Variants in PTPN2 observed in about 807,000 individuals in gnomAD.
The protein encoded by PTPN2 is protein tyrosine phosphatase non-receptor type 2.
In PTPN2, 19 loss-of-function variants were observed where a neutral mutation model predicts 57.3. That is an observed-to-expected ratio of 0.33 (90% CI 0.23 to 0.49). The LOEUF (loss-of-function observed/expected upper bound fraction) is 0.49. Ranked by LOEUF, PTPN2 falls within the 20% of genes least tolerant of loss-of-function variation. PTPN2 has a pLI of 0.99. For synonymous variants in PTPN2, 153 were observed against 164.9 expected (o/e 0.93, Z 0.55); for missense variants, 358 against 501.1 (o/e 0.71, Z 2.73).
chr18:12,868,672 G>A (rs138718370), intron 1 of PTPN2, among the ~76,000 whole-genome samples: 20 of 149,610 alleles, frequency 1.3e-4, no homozygotes, highest in Non-Finnish European at 2.2e-4. Context: ...GGTGGCTCAC[G>A]TTTGTAATTC....
chr18:12,859,332 A>G, intron 1 of PTPN2, 78 bp from the exon 2 acceptor site: 1 of 986,066 alleles, frequency 1.0e-6, no homozygotes, highest in Non-Finnish European at 1.5e-6. Context: ...CCAGCGTAAA[A>G]TAACATGAAG....
At chr18:12,808,926 G>T (rs1346851354) in intron 7 of PTPN2, among the ~76,000 whole-genome samples, 1 of 152,214 alleles carries the variant, frequency 6.6e-6, no homozygotes, top group African/African-American at 2.4e-5. Flanking sequence ...TGTAACACTG[G>T]AGTAGTCACC....
chr18:12,822,260 C>G (rs147791865), intron 5 of PTPN2, among the ~76,000 whole-genome samples: 167 of 152,262 alleles, frequency 1.1e-3, no homozygotes, highest in African/African-American at 3.8e-3. Context: ...AGACTCTCAT[C>G]TTGCTAAATC....
At chr18:12,835,379 T>C (rs1004545603) in intron 3 of PTPN2, among the ~76,000 whole-genome samples, 3 of 88,154 alleles carry the variant, frequency 3.4e-5, no homozygotes, top group Non-Finnish European at 7.3e-5. Context: ...TGATCACATA[T>C]GTCTTTTTTT....
intron 1 of PTPN2, among the ~76,000 whole-genome samples, chr18:12,872,007 C>G (rs752516386): frequency 1.3e-5 from 2 of 150,700 alleles, no homozygotes; most frequent in African/African-American, 2.4e-5. Flanking sequence ...GAGATCGTGC[C>G]GTAGCATTCC....
chr18:12,870,475 A>AGAGAGAGG (rs2044223816), intron 1 of PTPN2, among the ~76,000 whole-genome samples: 1 of 98,408 alleles, frequency 1.0e-5, no homozygotes, highest in South Asian at 4.6e-4. Context: ...AGAGAGAGAG[A>AGAGAGAGG]GAGAGAGAGA....
chr18:12,821,636 T>A (rs1297686957), intron 5 of PTPN2, among the ~76,000 whole-genome samples: 1 of 152,206 alleles, frequency 6.6e-6, no homozygotes, highest in Non-Finnish European at 1.5e-5. Flanking sequence ...CAGGCTTGCA[T>A]TCTCAGCAGA....
chr18:12,874,985 T>C (rs1219225326), intron 1 of PTPN2, among the ~76,000 whole-genome samples: 1 of 152,132 alleles, frequency 6.6e-6, no homozygotes, highest in Non-Finnish European at 1.5e-5. Flanking sequence ...TGCCTTGGGA[T>C]CCTGTTGATC....
Position 12,807,604 on chromosome 18 carries a change from T to TATATATAA in PTPN2, c.859-5454_859-5453insTTATATAT, listed in dbSNP as rs753128305. On this transcript the variant is annotated intron_variant, in intron 7 of 8. Coordinates refer to ENST00000309660, the MANE Select transcript of PTPN2 (RefSeq NM_002828.4). Reference sequence around the variant, plus strand: ...AAAAAAAAATATATATATATATATATAATATAATACTATTTGGCCATTAAA... The same window carrying TATATATAA: ...AAAAAAAAATATATATATATATATATATATATAAAATATAATACTATTTGGCCATTAAA... 3.6e-4 allele frequency among the ~76,000 whole-genome samples: 34 copies of TATATATAA among 95,520 alleles called. 1 individual carries two copies. Among genetic ancestry groups the TATATATAA allele is most frequent in the Admixed American group, 3.1e-3 (23 of 7,488 alleles). 62.7% of individuals were successfully genotyped at this position (95,520 alleles called of 152,430 possible).
chr18:12,870,460 TATAGAG>T lies in PTPN2; in HGVS notation c.70-11212_70-11207del, dbSNP rs1281412678. Among the ~76,000 whole-genome samples the T allele has an allele frequency of 3.4e-3, 81 of 24,108 alleles. 8 individuals are homozygous for T. Among genetic ancestry groups the T allele is most frequent in the African/African-American group, 0.017 (60 of 3,602 alleles). 15.8% of individuals were successfully genotyped at this position (24,108 alleles called of 152,430 possible). A position where few individuals can be genotyped will look rare whatever the true frequency, so the allele number is the denominator to read the frequency against. ...ATATGTGTATATATATATATATATA[TATAGAG>T]AGAGAGAGAGAGAGAGAGAGAGAGA... On this transcript the variant is annotated intron_variant, in intron 1 of 8. Transcript: ENST00000309660.
exon 10 of PTPN2, chr18:12,785,812 A>G: frequency 6.2e-7 from 1 of 1,610,350 alleles, no homozygotes; most frequent in Admixed American, 1.7e-5. Flanking sequence ...AATATTCTCA[A>G]GTCATGAATA....
chr18:12,840,725 A>T (rs750583353), intron 2 of PTPN2: 1 of 1,598,334 alleles, frequency 6.3e-7, no homozygotes, highest in East Asian at 2.2e-5. Context: ...TATTTCCTGC[A>T]TTCTGCATTC....
At chr18:12,803,192 G>A (rs2041493539) in intron 7 of PTPN2, among the ~76,000 whole-genome samples, 1 of 152,090 alleles carries the variant, frequency 6.6e-6, no homozygotes, top group African/African-American at 2.4e-5. Flanking sequence ...GATGTTTAAT[G>A]TAAGCCCCAG....
intron 1 of PTPN2, chr18:12,880,480 T>C (rs7242658): frequency 0.042 from 6,350 of 152,342 alleles, 445 homozygotes; most frequent in African/African-American, 0.14. Flanking sequence ...ACTTGGTAGT[T>C]TGCATTTCCT....
chr18:12,879,315 G>C (rs1368863334), intron 1 of PTPN2, among the ~76,000 whole-genome samples: 3 of 152,068 alleles, frequency 2.0e-5, no homozygotes, highest in African/African-American at 4.8e-5. Context: ...ACTCTTTCAC[G>C]ATCAATTCTT....
chr18:12,826,302 G>A (rs1176543560), intron 4 of PTPN2, among the ~76,000 whole-genome samples: 1 of 152,106 alleles, frequency 6.6e-6, no homozygotes, highest in East Asian at 1.9e-4. Context: ...ACTTGTGAGA[G>A]TGAGGCAGGA....
chr18:12,786,463 AGATT>A (rs1326278771), intron 9 of PTPN2: 3 of 152,238 alleles, frequency 2.0e-5, no homozygotes, highest in African/African-American at 7.2e-5. Flanking sequence ...CATAATTGAC[AGATT>A]TATTGTATTT....
chr18:12,826,677 T>C (rs1447854229), intron 4 of PTPN2, among the ~76,000 whole-genome samples: 3 of 152,106 alleles, frequency 2.0e-5, no homozygotes, highest in Non-Finnish European at 4.4e-5. Flanking sequence ...CAAGCAATTC[T>C]CCTGCCTCAG....
chr18:12,870,353 G>A (rs919025272), intron 1 of PTPN2, among the ~76,000 whole-genome samples: 9 of 37,300 alleles, frequency 2.4e-4, no homozygotes, highest in African/African-American at 1.3e-3. Context: ...ATATATATGT[G>A]TATATATATG....
Sources: gnomAD v4.1 joint callset for allele counts (sites outside exome capture counted in the v4.1 genomes callset) on GRCh38, gnomAD v4.1.1 for gene constraint, MANE v1.5 for transcripts, NCBI Gene and HGNC (gene_info 2026-07-23, HGNC 2026-07-21) for gene names.